TRPM3: variants seen among roughly 807,000 people sequenced by gnomAD.
TRPM3 encodes the protein transient receptor potential cation channel subfamily M member 3.
A neutral mutation model predicts 181.2 loss-of-function variants in TRPM3; 77 were observed. The observed-to-expected ratio is 0.42, with a 90% CI of 0.35 to 0.51. The LOEUF (loss-of-function observed/expected upper bound fraction) is 0.51, where lower values mean the gene tolerates loss of function less well. Ranked by LOEUF, TRPM3 falls within the 20% of genes least tolerant of loss-of-function variation. TRPM3 has a pLI of 0.01. For missense variants in TRPM3, 1,759 were observed against 2,196.7 expected (o/e 0.80, Z 3.98); for synonymous variants, 745 against 796.4 (o/e 0.94, Z 1.09).
In TRPM3 at chr9:70,780,054, A is replaced by C. The variant is rs10117352; in HGVS notation, c.1148+4051T>G. 2.9e-3 allele frequency among the ~76,000 whole-genome samples: 447 copies of C among 152,326 alleles called. 2 individuals are homozygous for C. Among genetic ancestry groups the C allele is most frequent in the African/African-American group, 9.6e-3 (398 of 41,596 alleles). On this transcript the variant is annotated intron_variant, in intron 7 of 25. Coordinates refer to ENST00000677713, the MANE Select transcript of TRPM3 (RefSeq NM_001366145.2). ...TCTTTTTCTATCCTAAGTAATCTCA[A>C]CTACAAAAACTAATCAGTTTTGTCA... is the stretch of plus-strand genomic sequence containing the variant.
At chr9:70,571,552 A>G (rs768894594) in intron 22 of TRPM3, among the ~76,000 whole-genome samples, 8 of 152,050 alleles carry the variant, frequency 5.3e-5, no homozygotes, top group Non-Finnish European at 1.2e-4. Flanking sequence ...AACCATATGC[A>G]CTTTTTGAGA....
chr9:70,775,294 GA>G (rs1459938951), intron 7 of TRPM3: 2 of 152,186 alleles, frequency 1.3e-5, no homozygotes, highest in Non-Finnish European at 2.9e-5. Context: ...GCTAGTTTGT[GA>G]AACTTCAGAG....
chr9:70,616,573 C>CAAA (rs398113513), intron 17 of TRPM3, among the ~76,000 whole-genome samples: 2,717 of 121,356 alleles, frequency 0.022, 55 homozygotes, highest in Middle Eastern at 0.042. Context: ...ATTATCTCTG[C>CAAA]AAAAAAAAAA....
At chr9:70,996,600 C>T (rs985426568) in intron 1 of TRPM3, among the ~76,000 whole-genome samples, 2 of 152,182 alleles carry the variant, frequency 1.3e-5, no homozygotes, top group African/African-American at 2.4e-5. Flanking sequence ...TTGGCTAAAT[C>T]GCAATGTTAA....
At chr9:70,641,519 T>C (rs1483638978) in intron 9 of TRPM3, among the ~76,000 whole-genome samples, 1 of 152,174 alleles carries the variant, frequency 6.6e-6, no homozygotes, top group Non-Finnish European at 1.5e-5. Context: ...GTAGAAACCA[T>C]TGGAACTATT....
intron 1 of TRPM3, among the ~76,000 whole-genome samples, chr9:70,886,913 C>T (rs541200862): frequency 1.2e-4 from 18 of 152,294 alleles, no homozygotes; most frequent in Non-Finnish European, 4.4e-5. Flanking sequence ...GATCCACCTG[C>T]CTTGGCCACC....
chr9:70,656,838 T>C (rs1773280821), intron 9 of TRPM3, among the ~76,000 whole-genome samples: 1 of 152,052 alleles, frequency 6.6e-6, no homozygotes, highest in South Asian at 2.1e-4. Flanking sequence ...AATTTTTGTA[T>C]CATTCAAAGC....
intron 1 of TRPM3, among the ~76,000 whole-genome samples, chr9:71,036,890 C>A (rs2058271981): frequency 6.6e-6 from 1 of 152,166 alleles, no homozygotes. Flanking sequence ...TTCAAAGACA[C>A]AAATCAGAGA....
In TRPM3 at chr9:70,530,451, C is replaced by T. The variant is rs2040725953; in HGVS notation, c.*5502G>A. The T allele has an allele frequency of 6.6e-6, 1 of 152,250 alleles. No homozygotes were observed. The highest frequency in any genetic ancestry group is 1.5e-5 in the Non-Finnish European group (1 of 68,076). The allele number at this position is 152,250 out of a possible 1,614,324, so 9.4% of individuals were successfully genotyped here. ...CAAAGCCTATGGACTTCTAGCCATACACATGTCTTTTCAGTTTCCAGCACA... is the reference window on the plus strand; with the variant it reads ...CAAAGCCTATGGACTTCTAGCCATATACATGTCTTTTCAGTTTCCAGCACA... On this transcript the variant is annotated 3_prime_UTR_variant, in exon 26 of 26. Transcript: ENST00000677713.
chr9:70,620,017 C>T, intron 16 of TRPM3, 59 bp downstream of exon 16: 1 of 1,534,736 alleles, frequency 6.5e-7, no homozygotes, highest in Non-Finnish European at 8.8e-7. Context: ...CTCTCCAGCA[C>T]TGGGAGCCCA....
Position 70,863,115 on chromosome 9 carries a change from A to G in TRPM3, c.258-3T>C, listed in dbSNP as rs2095561188. The G allele has an allele frequency of 6.2e-7, 1 of 1,612,310 alleles. No homozygotes were observed. The highest frequency in any genetic ancestry group is 8.5e-7 in the Non-Finnish European group (1 of 1,178,862). On this transcript the variant is annotated splice_region_variant and splice_polypyrimidine_tract_variant and intron_variant, in intron 2 of 25. Coordinates refer to ENST00000677713, the MANE Select transcript of TRPM3 (RefSeq NM_001366145.2). ...CTATCAGACGCCCACAGCAACACCTATAACAGAAGAGGTTAAAGTGAACCC... is the reference window on the plus strand; with the variant it reads ...CTATCAGACGCCCACAGCAACACCTGTAACAGAAGAGGTTAAAGTGAACCC...
At chr9:70,836,857 A>G (rs2094355055) in intron 5 of TRPM3, among the ~76,000 whole-genome samples, 1 of 152,200 alleles carries the variant, frequency 6.6e-6, no homozygotes, top group South Asian at 2.1e-4. Context: ...TCTATCTCAC[A>G]TACTCACTGG....
At chr9:71,180,050 CTT>C (rs35877663) in intron 1 of TRPM3, among the ~76,000 whole-genome samples, 36 of 101,172 alleles carry the variant, frequency 3.6e-4, no homozygotes, top group African/African-American at 4.5e-4. Flanking sequence ...ATACATCCTT[CTT>C]TTTTTTTTTT....
intron 1 of TRPM3, among the ~76,000 whole-genome samples, chr9:71,354,770 A>G (rs1371176806): frequency 6.6e-6 from 1 of 152,212 alleles, no homozygotes; most frequent in Admixed American, 6.5e-5. Flanking sequence ...GCCATATCCT[A>G]TATAAAATGC....
At chr9:71,168,533 G>GT (rs2076651271) in intron 1 of TRPM3, among the ~76,000 whole-genome samples, 1 of 82,100 alleles carries the variant, frequency 1.2e-5, no homozygotes, top group Non-Finnish European at 2.4e-5. Flanking sequence ...TTTTTAAGGT[G>GT]TGATTTATTT....
chr9:71,283,709 T>C (rs1320616967), intron 1 of TRPM3, among the ~76,000 whole-genome samples: 5 of 152,250 alleles, frequency 3.3e-5, no homozygotes, highest in African/African-American at 1.2e-4. Context: ...AATGCTGTTT[T>C]GAACGTGGCT....
rs2094661951 is a variant in TRPM3 at position 70,841,660 on chromosome 9, A to ATATC, written c.801+1342_801+1343insGATA. 1.9e-5 allele frequency among the ~76,000 whole-genome samples: 2 copies of ATATC among 103,668 alleles called. 1 individual carries two copies. The highest frequency in any genetic ancestry group is 7.3e-4 in the South Asian group (2 of 2,732). 68.0% of individuals were successfully genotyped at this position (103,668 alleles called of 152,430 possible). On this transcript the variant is annotated intron_variant, in intron 5 of 25. Coordinates refer to ENST00000677713, the MANE Select transcript of TRPM3 (RefSeq NM_001366145.2). Reference sequence around the variant, plus strand: ...TATATATATATATATATATATATATATCCCACCATATATATGTATATATAG... The same window carrying ATATC: ...TATATATATATATATATATATATATATATCTCCCACCATATATATGTATATATAG...
At chr9:70,657,728 T>C (rs1274226265) in intron 9 of TRPM3, among the ~76,000 whole-genome samples, 1 of 152,126 alleles carries the variant, frequency 6.6e-6, no homozygotes, top group African/African-American at 2.4e-5. Flanking sequence ...CTCCTGAGTC[T>C]AAAAAGGACA....
chr9:70,993,748 G>A (rs1206035267), intron 1 of TRPM3, among the ~76,000 whole-genome samples: 1 of 139,984 alleles, frequency 7.1e-6, no homozygotes, highest in South Asian at 2.2e-4. Context: ...TTGCGCGACT[G>A]CACTCTGGCC....
Sources: gnomAD v4.1 joint callset for allele counts (sites outside exome capture counted in the v4.1 genomes callset) on GRCh38, gnomAD v4.1.1 for gene constraint, MANE v1.5 for transcripts, NCBI Gene and HGNC (gene_info 2026-07-23, HGNC 2026-07-21) for gene names.